The following PIP5K1B variants were observed in gnomAD, a reference collection of about 807,000 sequenced individuals.
The protein encoded by PIP5K1B is phosphatidylinositol-4-phosphate 5-kinase type 1 beta, also known as phosphatidylinositol 4-phosphate 5-kinase type-1 beta.
Under a neutral mutation model 67.0 loss-of-function variants are expected in PIP5K1B, and 42 were observed. That is an observed-to-expected ratio of 0.63 (90% CI 0.49 to 0.81). The LOEUF (loss-of-function observed/expected upper bound fraction) is 0.81. PIP5K1B is among the 30% of genes least tolerant of loss of function. The pLI is 0.00. For missense variants in PIP5K1B, 459 were observed against 646.3 expected (o/e 0.71, Z 3.14); for synonymous variants, 214 against 231.4 (o/e 0.92, Z 0.68).
chr9:68,804,194 T>C (rs1390755332), intron 2 of PIP5K1B, among the ~76,000 whole-genome samples: 3 of 152,030 alleles, frequency 2.0e-5, no homozygotes, highest in Admixed American at 6.6e-5. Context: ...AGGAAGGGTC[T>C]CAGGAAGGAG....
At chr9:68,982,899 T>C (rs1262798237) in intron 14 of PIP5K1B, among the ~76,000 whole-genome samples, 1 of 152,238 alleles carries the variant, frequency 6.6e-6, no homozygotes, top group Non-Finnish European at 1.5e-5. Flanking sequence ...TTACATTTCA[T>C]TATTTTTTAA....
intron 1 of PIP5K1B, among the ~76,000 whole-genome samples, chr9:68,715,622 C>T (rs1367273176): frequency 6.6e-6 from 1 of 152,196 alleles, no homozygotes; most frequent in Non-Finnish European, 1.5e-5. Context: ...TTTCCTCGCC[C>T]CCACCAGCTG....
chr9:68,800,853 T>C (rs1335288427), intron 2 of PIP5K1B, among the ~76,000 whole-genome samples: 1 of 152,144 alleles, frequency 6.6e-6, no homozygotes, highest in Non-Finnish European at 1.5e-5. Context: ...TGCTCCAAAT[T>C]CTCCATGACT....
At chr9:68,973,262 TAAAAC>T (rs1313635028) in intron 14 of PIP5K1B, among the ~76,000 whole-genome samples, 2 of 151,516 alleles carry the variant, frequency 1.3e-5, no homozygotes, top group Admixed American at 1.3e-4. Context: ...TAAAATAAAA[TAAAAC>T]AAACACATTA....
chr9:68,909,983 A>T (rs527391728), intron 8 of PIP5K1B, among the ~76,000 whole-genome samples: 2 of 152,350 alleles, frequency 1.3e-5, no homozygotes, highest in African/African-American at 4.8e-5. Context: ...GTTAATTTCC[A>T]TAAGAACCCC....
intron 4 of PIP5K1B, among the ~76,000 whole-genome samples, chr9:68,834,569 G>T (rs1020455342): frequency 9.9e-5 from 15 of 152,110 alleles, no homozygotes; most frequent in African/African-American, 2.9e-4. Context: ...AGCATCCAAA[G>T]GATGTATCAC....
At position 68,833,453 on chromosome 9, in the gene PIP5K1B, G is replaced by A. The variant is rs144488853; in HGVS notation, c.69+10770G>A. 1.3e-4 allele frequency among the ~76,000 whole-genome samples: 20 copies of A among 152,346 alleles called. No homozygotes were observed. The East Asian group carries it at 2.5e-3, about 19-fold the overall frequency. On this transcript the variant is annotated intron_variant, in intron 4 of 15. Coordinates refer to ENST00000265382, the MANE Select transcript of PIP5K1B (RefSeq NM_003558.4). ...GAGCAGGGAAGAGTGGCCGAGTAGCGTGACAGCAGCGGTTCCCAATGGGGG... is the reference window on the plus strand; with the variant it reads ...GAGCAGGGAAGAGTGGCCGAGTAGCATGACAGCAGCGGTTCCCAATGGGGG...
At chr9:68,988,611 G>A (rs552524420) in intron 14 of PIP5K1B, among the ~76,000 whole-genome samples, 6 of 151,786 alleles carry the variant, frequency 4.0e-5, no homozygotes, top group South Asian at 2.1e-4. Flanking sequence ...CACCATTCCC[G>A]GCTAATATTT....
In PIP5K1B at chr9:68,986,201, C is replaced by T. The variant is rs543575255; in HGVS notation, c.1503-4939C>T. 2.0e-5 allele frequency among the ~76,000 whole-genome samples: 3 copies of T among 152,316 alleles called. No individual in the cohort carries two copies. The East Asian group carries it at 5.8e-4, about 29-fold the overall frequency. ...GCTGTACCGTTTTATCAAATACATT[C>T]CCATCAGCAGTGTATGAGGGCTTCA... On this transcript the variant is annotated intron_variant, in intron 14 of 15. Coordinates refer to ENST00000265382, the MANE Select transcript of PIP5K1B (RefSeq NM_003558.4).
chr9:68,880,065 G>A lies in PIP5K1B; in HGVS notation c.318+3271G>A, dbSNP rs181617217. Among the ~76,000 whole-genome samples, 187 of 151,922 alleles carry A rather than the reference G, an allele frequency of 1.2e-3. 3 individuals carry two copies. The East Asian group carries it at 0.032, about 26-fold the overall frequency. On this transcript the variant is annotated intron_variant, in intron 6 of 15. Transcript: ENST00000265382. Reference sequence around the variant, plus strand: ...TCTCACTATAACTGTTAAATTGAATGCCCCCCTACAAAAAGAAAAATCTGA... The same window carrying A: ...TCTCACTATAACTGTTAAATTGAATACCCCCCTACAAAAAGAAAAATCTGA...
intron 2 of PIP5K1B, chr9:68,779,944 T>C (rs1831139806): frequency 1.9e-6 from 1 of 522,712 alleles, no homozygotes; most frequent in Non-Finnish European, 3.1e-6. Context: ...GCCCGACCAC[T>C]CCTCGCCCCT....
chr9:68,890,142 A>G (rs746054782), intron 7 of PIP5K1B, among the ~76,000 whole-genome samples: 12 of 152,224 alleles, frequency 7.9e-5, no homozygotes, highest in Non-Finnish European at 1.3e-4. Context: ...AACATATTCT[A>G]TATTAGCTGT....
chr9:68,787,753 C>A (rs537534189), intron 2 of PIP5K1B, among the ~76,000 whole-genome samples: 29 of 152,316 alleles, frequency 1.9e-4, no homozygotes, highest in Admixed American at 1.8e-3. Context: ...CTGCTTCAGC[C>A]TCCTGAGTAG....
rs1823915111 is a variant in PIP5K1B at position 68,876,657 on chromosome 9, T to C, written c.201-20T>C. ...TAATGTGTTCTTTCTTTCTCTCTCT[T>C]TTTAATATTTTGACTTCAGCGAAGG... On this transcript the variant is annotated intron_variant, in intron 5 of 15. Coordinates refer to ENST00000265382, the MANE Select transcript of PIP5K1B (RefSeq NM_003558.4). 7.6e-7 allele frequency: 1 copy of C among 1,312,146 alleles called. No homozygotes were observed. The highest frequency in any genetic ancestry group is 1.1e-6 in the Non-Finnish European group (1 of 905,492). 81.3% of individuals were successfully genotyped at this position (1,312,146 alleles called of 1,614,324 possible).
intron 2 of PIP5K1B, among the ~76,000 whole-genome samples, chr9:68,746,647 C>T (rs1829326375): frequency 6.6e-6 from 1 of 152,172 alleles, no homozygotes; most frequent in African/African-American, 2.4e-5. Flanking sequence ...TGGCCCAGAG[C>T]TCAGCACTTC....
At chr9:68,988,261 A>G (rs1195655124) in intron 14 of PIP5K1B, among the ~76,000 whole-genome samples, 3 of 151,840 alleles carry the variant, frequency 2.0e-5, no homozygotes, top group Non-Finnish European at 4.4e-5. Flanking sequence ...TTTCAAAATT[A>G]AAGTTTAAAA....
chr9:68,805,494 T>C (rs962652382), intron 2 of PIP5K1B, among the ~76,000 whole-genome samples: 5 of 152,226 alleles, frequency 3.3e-5, no homozygotes, highest in African/African-American at 1.2e-4. Flanking sequence ...TGGACATTAC[T>C]AACGACTGCC....
chr9:68,723,106 A>T (rs1827968556), intron 1 of PIP5K1B, among the ~76,000 whole-genome samples: 1 of 152,086 alleles, frequency 6.6e-6, no homozygotes, highest in Non-Finnish European at 1.5e-5. Context: ...GGTTTCCACC[A>T]TGTTGCTACA....
intron 2 of PIP5K1B, among the ~76,000 whole-genome samples, chr9:68,803,261 C>A (rs1378677962): frequency 3.9e-5 from 6 of 152,086 alleles, no homozygotes; most frequent in African/African-American, 1.4e-4. Context: ...ACTATAGAAA[C>A]CCTAAAAGCA....
Sources: gnomAD v4.1 joint callset for allele counts (sites outside exome capture counted in the v4.1 genomes callset) on GRCh38, gnomAD v4.1.1 for gene constraint, MANE v1.5 for transcripts, NCBI Gene and HGNC (gene_info 2026-07-23, HGNC 2026-07-21) for gene names.